The following FAM131C variants were observed in gnomAD, a reference collection of about 807,000 sequenced individuals.
FAM131C encodes the protein protein FAM131C.
FAM131C carries 14 observed loss-of-function variants against 29.8 expected under a neutral mutation model. The ratio of observed to expected loss-of-function variants is 0.47; its 90% CI spans 0.31 to 0.73. FAM131C has a LOEUF of 0.73. FAM131C is among the 30% of genes least tolerant of loss of function. The probability of loss-of-function intolerance (pLI) is 0.05; values close to 1 mark genes in which losing one functional copy is unlikely to be tolerated. For missense variants in FAM131C, 252 were observed against 383.8 expected (o/e 0.66, Z 2.87); for synonymous variants, 86 against 157.8 (o/e 0.54, Z 3.41).
At chr1:16,068,285 C>A (rs571408457) in intron 1 of FAM131C, among the ~76,000 whole-genome samples, 1 of 152,248 alleles carries the variant, frequency 6.6e-6, no homozygotes, top group Admixed American at 6.5e-5. Flanking sequence ...GGGCATGGGA[C>A]TTAGCCCCTG....
chr1:16,062,612 G>A, intron 2 of FAM131C, 78 bp from the exon 3 acceptor site: 1 of 1,508,848 alleles, frequency 6.6e-7, no homozygotes, highest in Non-Finnish European at 8.9e-7. Context: ...TGGGGCCCTG[G>A]GTGGGGGTGG....
At position 16,062,416 on chromosome 1, in the gene FAM131C, T is replaced by C. The variant is rs1053001698; in HGVS notation, c.174+83A>G. 3.1e-6 allele frequency: 3 copies of C among 970,404 alleles called. No individual in the cohort carries two copies. In the African/African-American group the frequency reaches 5.7e-5, roughly 18 times the overall value. The allele number at this position is 970,404 out of a possible 1,614,324, so 60.1% of individuals were successfully genotyped here. On this transcript the variant is annotated intron_variant, in intron 3 of 6. Coordinates refer to ENST00000375662, the MANE Select transcript of FAM131C (RefSeq NM_182623.3). ...CCCCGCCCCAGGGCCAGCAGGACTG[T>C]GTGCCTGGGCTGGGCACAAAGGATG...
chr1:16,065,817 A>G (rs1006128896), intron 1 of FAM131C, among the ~76,000 whole-genome samples: 1 of 152,090 alleles, frequency 6.6e-6, no homozygotes, highest in Non-Finnish European at 1.5e-5. Context: ...GGTTCACCTC[A>G]TATCAGTTGT....
Position 16,062,394 on chromosome 1 carries a change from C to G in FAM131C, c.174+105G>C, listed in dbSNP as rs868825191. ...TGTTTCATCAGGCCCCCCCCCCCCC[C>G]GCCCCAGGGCCAGCAGGACTGTGTG... On this transcript the variant is annotated intron_variant, in intron 3 of 6. Coordinates refer to ENST00000375662, the MANE Select transcript of FAM131C (RefSeq NM_182623.3). 8.6e-5 allele frequency: 101 copies of G among 1,172,092 alleles called. 1 individual carries two copies. Among genetic ancestry groups the G allele is most frequent in the African/African-American group, 4.6e-4 (26 of 56,738 alleles). The allele number at this position is 1,172,092 out of a possible 1,614,324, so 72.6% of individuals were successfully genotyped here.
Position 16,059,964 on chromosome 1 carries a change from C to T in FAM131C, c.356G>A (p.Trp119Ter), listed in dbSNP as rs1385237960. ...CTCCCAGCCTGCCGGCTGGGCACTC[C>T]AGCCCTTCCACTCGATGAGGTGGGC... is the stretch of plus-strand genomic sequence containing the variant. ...RVAHLIEWKG[W>*]SAQPAGWELS... Residue 119 changes from tryptophan to a stop codon, truncating the protein, a stop_gained, in exon 5 of 7, where the codon TGG becomes TAG. Transcript: ENST00000375662. LOFTEE classifies it high-confidence loss of function. 1 of 1,579,154 alleles carries T rather than the reference C, an allele frequency of 6.3e-7. No individual in the cohort carries two copies. Among genetic ancestry groups the T allele is most frequent in the Non-Finnish European group, 8.6e-7 (1 of 1,161,644 alleles).
rs545654738 is a variant in FAM131C, at chr1:16,058,353, G to C, written c.*84C>G. ...GAGGGGTCAAGGGATGCCCTGCCCT[G>C]GACCCCGGGGTCCAGATATGCCTGG... is the stretch of plus-strand genomic sequence containing the variant. On this transcript the variant is annotated 3_prime_UTR_variant, in exon 7 of 7. Coordinates refer to ENST00000375662, the MANE Select transcript of FAM131C (RefSeq NM_182623.3). The C allele has an allele frequency of 7.1e-4, 969 of 1,361,998 alleles. No homozygotes were observed. The African/African-American group carries it at 0.013, about 18-fold the overall frequency. 84.4% of individuals were successfully genotyped at this position (1,361,998 alleles called of 1,614,324 possible).
intron 1 of FAM131C, among the ~76,000 whole-genome samples, chr1:16,067,171 G>T (rs918694620): frequency 6.6e-6 from 1 of 152,172 alleles, no homozygotes; most frequent in African/African-American, 2.4e-5. Flanking sequence ...CTCAGTTGGG[G>T]TTCAGGTGCC....
Position 16,060,668 on chromosome 1 carries a change from G to T in FAM131C, c.269-617C>A, listed in dbSNP as rs141606996. On this transcript the variant is annotated intron_variant, in intron 4 of 6. Transcript: ENST00000375662. The stretch of plus-strand genomic sequence containing the variant: ...TTTCAAAGATGAGAAGAGGATGAAG[G>T]CATGGTAGTGTCTGGCGTGAGTCCA... Among the ~76,000 whole-genome samples, 3 of 152,286 alleles carry T rather than the reference G, an allele frequency of 2.0e-5. No individual in the cohort carries two copies. The East Asian group carries it at 5.8e-4, about 29-fold the overall frequency.
chr1:16,069,535 AG>A (rs2023726444), intron 1 of FAM131C, among the ~76,000 whole-genome samples: 2 of 152,214 alleles, frequency 1.3e-5, no homozygotes, highest in South Asian at 4.1e-4. Flanking sequence ...AGGTGGGGCC[AG>A]GAGGCTGATC....
At position 16,059,496 on chromosome 1, in the gene FAM131C, T is replaced by G. The variant is rs141493182; in HGVS notation, c.560A>C (p.Gln187Pro). Residue 187 changes from glutamine to proline, a missense_variant and splice_region_variant, in exon 6 of 7, where the codon CAA (glutamine) becomes CCA (proline). Transcript: ENST00000375662. Reference sequence around the variant, plus strand: ...CCCCTGGACCCTCTGGGCTGTACCTTGGAGCTGGACGATGCCTTGGGGGCT... The same window carrying G: ...CCCCTGGACCCTCTGGGCTGTACCTGGGAGCTGGACGATGCCTTGGGGGCT... The part of the protein sequence containing the change: ...ENSPQGIVQL[Q>P]DLESIYLQDS... 1 of 1,610,878 alleles carries G rather than the reference T, an allele frequency of 6.2e-7. No individual in the cohort carries two copies.
chr1:16,071,462 G>C (rs1031712640), intron 1 of FAM131C, among the ~76,000 whole-genome samples: 11 of 152,222 alleles, frequency 7.2e-5, no homozygotes, highest in South Asian at 6.2e-4. Context: ...TGCACTCGGA[G>C]AGCATCAGTG....
rs1002674328 is a variant in FAM131C at position 16,063,707 on chromosome 1, C to A, written c.23-71G>T. 24 of 1,052,676 alleles carry A rather than the reference C, an allele frequency of 2.3e-5. No homozygotes were observed. The East Asian group carries it at 3.9e-4, about 17-fold the overall frequency. 65.2% of individuals were successfully genotyped at this position (1,052,676 alleles called of 1,614,324 possible). ...TCTTGCTTACAAAGCATGTTCAAGG[C>A]CCCCCCGTAAGGTGAGTATGGCCTT... On this transcript the variant is annotated intron_variant, in intron 1 of 6. Transcript: ENST00000375662.
intron 3 of FAM131C, 100 bp downstream of exon 3, chr1:16,062,399 C>A: frequency 1.6e-6 from 2 of 1,282,646 alleles, no homozygotes; most frequent in Admixed American, 2.7e-5. Context: ...CCCCCCGCCC[C>A]AGGGCCAGCA....
intron 1 of FAM131C, among the ~76,000 whole-genome samples, chr1:16,068,520 G>A (rs1204894730): frequency 2.0e-5 from 3 of 152,232 alleles, no homozygotes; most frequent in Non-Finnish European, 2.9e-5. Flanking sequence ...GCCCTTGAGG[G>A]TGAGTCCTTG....
At position 16,065,342 on chromosome 1, in the gene FAM131C, G is replaced by A. The variant is rs139733301; in HGVS notation, c.23-1706C>T. Among the ~76,000 whole-genome samples, 518 of 152,170 alleles carry A rather than the reference G, an allele frequency of 3.4e-3. 8 individuals carry two copies. The highest frequency in any genetic ancestry group is 0.012 in the African/African-American group (501 of 41,508). On this transcript the variant is annotated intron_variant, in intron 1 of 6. Coordinates refer to ENST00000375662, the MANE Select transcript of FAM131C (RefSeq NM_182623.3). ...CTCTTAGGTCTATTCCAGGTCTCCC[G>A]GCTCCCTTCTCCCAGGGCTCCCCTG...
rs561164262 is a variant in FAM131C, at chr1:16,068,598, G to A, written c.22+4823C>T. Reference sequence around the variant, plus strand: ...GAGCTTGGCAGAGGCCAGGCCTCGAGTGGACTGAGTGTCCCCTCCTCCCCA... The same window carrying A: ...GAGCTTGGCAGAGGCCAGGCCTCGAATGGACTGAGTGTCCCCTCCTCCCCA... On this transcript the variant is annotated intron_variant, in intron 1 of 6. Transcript: ENST00000375662. Among the ~76,000 whole-genome samples the A allele has an allele frequency of 4.6e-5, 7 of 152,358 alleles. No homozygotes were observed. In the East Asian group the frequency reaches 1.4e-3, roughly 29 times the overall value.
rs573962600 is a variant in FAM131C, at chr1:16,071,411, AC to A, written c.22+2009del. 2.0e-4 allele frequency among the ~76,000 whole-genome samples: 31 copies of A among 152,320 alleles called. 1 individual carries two copies. The South Asian group carries it at 5.8e-3, about 28-fold the overall frequency. On this transcript the variant is annotated intron_variant, in intron 1 of 6. Transcript: ENST00000375662. ...AAGATAGGGACTGTGTTCATATATA[AC>A]CCAAACTAGCTTTATCTGCCTAAAA... is the stretch of plus-strand genomic sequence containing the variant.
At position 16,073,453 on chromosome 1, in the gene FAM131C, C is replaced by T; in HGVS notation, c.-11G>A. On this transcript the variant is annotated 5_prime_UTR_variant, in exon 1 of 7. Transcript: ENST00000375662. ...CACGCAGGAGCCCATCACGGGGCCG[C>T]GGGGCCGGGCCGCTGCGCCCGGGGT... 1.7e-6 allele frequency: 2 copies of T among 1,206,286 alleles called. No individual in the cohort carries two copies. Among genetic ancestry groups the T allele is most frequent in the South Asian group, 8.3e-5 (2 of 24,128 alleles). The allele number at this position is 1,206,286 out of a possible 1,614,324, so 74.7% of individuals were successfully genotyped here.
chr1:16,059,882 G>T lies in FAM131C; in HGVS notation c.438C>A (p.Ala146=), dbSNP rs373488307. The T allele has an allele frequency of 2.1e-5, 26 of 1,240,404 alleles. No homozygotes were observed. Among genetic ancestry groups the T allele is most frequent in the Middle Eastern group, 3.0e-4 (1 of 3,340 alleles). 76.8% of individuals were successfully genotyped at this position (1,240,404 alleles called of 1,614,324 possible). A position where few individuals can be genotyped will look rare whatever the true frequency, so the allele number is the denominator to read the frequency against. The change falls in exon 5 of 7, where the codon GCC becomes GCA. Residue 146 remains alanine (A), a synonymous_variant. Transcript: ENST00000375662. ...YCCLPDELRE[A]RFAAGVAEQF... ...CTCCTCGCTGACCTGCAGCAAAGCG[G>T]GCCTCACGCAGCTCATCCGGGAGGC...
Sources: gnomAD v4.1 joint callset for allele counts (sites outside exome capture counted in the v4.1 genomes callset) on GRCh38, gnomAD v4.1.1 for gene constraint, MANE v1.5 for transcripts, NCBI Gene and HGNC (gene_info 2026-07-23, HGNC 2026-07-21) for gene names.